Variants in MMP3 observed in about 807,000 individuals in gnomAD.
MMP3 encodes the protein stromelysin-1.
In MMP3, 46 loss-of-function variants were observed where a neutral mutation model predicts 47.3. The ratio of observed to expected loss-of-function variants is 0.97; its 90% CI spans 0.77 to 1.24. The LOEUF is 1.24. Ranked by LOEUF, MMP3 falls within the 50% of genes most tolerant of loss-of-function variation. The probability of loss-of-function intolerance (pLI) is 0.00; values close to 1 mark genes in which losing one functional copy is unlikely to be tolerated. For missense variants in MMP3, 558 were observed against 565.5 expected (o/e 0.99, Z 0.13); for synonymous variants, 216 against 206.5 (o/e 1.05, Z -0.39).
chr11:102,839,435 G>A (rs1047458983), intron 6 of MMP3, among the ~76,000 whole-genome samples, 192 bp from the exon 7 acceptor site: 9 of 152,054 alleles, frequency 5.9e-5, no homozygotes, highest in Admixed American at 1.3e-4. Context: ...TGAGTCTCCC[G>A]TCATAGGTTT....
At chr11:102,838,735 T>A in intron 7 of MMP3, 25 bp from the exon 8 acceptor site, 1 of 1,593,966 alleles carries the variant, frequency 6.3e-7, no homozygotes, top group African/African-American at 1.4e-5. Context: ...TAATTCAGAG[T>A]CATATTGAAT....
chr11:102,837,525 C>A lies in MMP3; in HGVS notation c.1230-124G>T. 1.5e-6 allele frequency: 1 copy of A among 689,282 alleles called. No individual in the cohort carries two copies. Among genetic ancestry groups the A allele is most frequent in the Non-Finnish European group, 2.5e-6 (1 of 402,224 alleles). The allele number at this position is 689,282 out of a possible 1,614,324, so 42.7% of individuals were successfully genotyped here. ...ATAAATACTGCAAATAAATGCCAAGCATATTTGGGACTATAGAAATATGTG... is the reference window on the plus strand; with the variant it reads ...ATAAATACTGCAAATAAATGCCAAGAATATTTGGGACTATAGAAATATGTG... On this transcript the variant is annotated intron_variant, in intron 8 of 9. Coordinates refer to ENST00000299855, the MANE Select transcript of MMP3 (RefSeq NM_002422.5). The surrounding 1 kb of genome is among the most constrained non-coding windows in gnomAD (Gnocchi z 4.4).
intron 4 of MMP3, 149 bp downstream of exon 4, chr11:102,842,005 A>G: frequency 4.3e-6 from 3 of 696,916 alleles, no homozygotes; most frequent in Non-Finnish European, 6.1e-6. Context: ...AATATTTTCA[A>G]TAATAATTAA....
chr11:102,843,514 G>A lies in MMP3; in HGVS notation c.33C>T (p.Cys11=), dbSNP rs113324830. 98 of 1,613,330 alleles carry A rather than the reference G, an allele frequency of 6.1e-5. No individual in the cohort carries two copies. The highest frequency in any genetic ancestry group is 5.5e-4 in the African/African-American group (41 of 74,856). The change falls in exon 1 of 10, where the codon TGC becomes TGT. Residue 11 remains cysteine, a synonymous_variant. Coordinates refer to ENST00000299855, the MANE Select transcript of MMP3 (RefSeq NM_002422.5). MKSLPILLLL[C]VAVCSAYPLD... ...ATGGATAGGCTGAGCAAACTGCCAC[G>A]CACAGCAACAGTAGGATTGGAAGAC... is the stretch of plus-strand genomic sequence containing the variant.
Position 102,842,697 on chromosome 11 carries a change from A to T in MMP3, c.325T>A (p.Trp109Arg), listed in dbSNP as rs61753776. Residue 109 changes from tryptophan to arginine, a missense_variant, in exon 2 of 10, where the codon TGG (tryptophan) becomes AGG (arginine). Trp to Arg is a moderately radical substitution (Grantham distance 101). Transcript: ENST00000299855. ...CTGTATGTAAGGTGGGTTTTCCTCC[A>T]CTTCGGGATGCCAGGAAAGGTTCTG... ...HFRTFPGIPK[W>R]RKTHLTYRIV... The T allele has an allele frequency of 2.5e-6, 4 of 1,613,748 alleles. No homozygotes were observed. Among genetic ancestry groups the T allele is most frequent in the Non-Finnish European group, 3.4e-6 (4 of 1,179,954 alleles).
Position 102,836,400 on chromosome 11 carries a change from A to G in MMP3, c.1334-174T>C. Reference sequence around the variant, plus strand: ...GAATTTATTTTCATTTATTTCTGCAACAACCCTATGAGGTTGTATGTCTAA... The same window carrying G: ...GAATTTATTTTCATTTATTTCTGCAGCAACCCTATGAGGTTGTATGTCTAA... On this transcript the variant is annotated intron_variant, in intron 9 of 9. Transcript: ENST00000299855. This position sits in a 1 kb window ranked among gnomAD's most constrained non-coding sequence, Gnocchi z 4.6. 3.0e-6 allele frequency: 2 copies of G among 668,236 alleles called. No individual in the cohort carries two copies. The highest frequency in any genetic ancestry group is 5.6e-6 in the Non-Finnish European group (2 of 357,300). The allele number at this position is 668,236 out of a possible 1,614,324, so 41.4% of individuals were successfully genotyped here. A position where few individuals can be genotyped will look rare whatever the true frequency, so the allele number is the denominator to read the frequency against.
rs1858958683 is a variant in MMP3 at position 102,839,684 on chromosome 11, G to A, written c.935+424C>T. On this transcript the variant is annotated intron_variant, in intron 6 of 9. Transcript: ENST00000299855. Reference sequence around the variant, plus strand: ...CTCTGGATGAGTACAGGGAGAACTGGGAACTAAAATTTTTAATTTGCTTCT... The same window carrying A: ...CTCTGGATGAGTACAGGGAGAACTGAGAACTAAAATTTTTAATTTGCTTCT... 2.6e-5 allele frequency among the ~76,000 whole-genome samples: 4 copies of A among 152,128 alleles called. No homozygotes were observed. The South Asian group carries it at 6.2e-4, about 24-fold the overall frequency.
chr11:102,836,428 C>T lies in MMP3; in HGVS notation c.1334-202G>A, dbSNP rs922571608. The stretch of plus-strand genomic sequence containing the variant: ...ACCCTATGAGGTTGTATGTCTAACT[C>T]CATTTACAGATTGAGCAAGTTGAGG... On this transcript the variant is annotated intron_variant, in intron 9 of 9. Transcript: ENST00000299855. This position sits in a 1 kb window ranked among gnomAD's most constrained non-coding sequence, Gnocchi z 4.6. 1.2e-5 allele frequency: 8 copies of T among 642,646 alleles called. No homozygotes were observed. The highest frequency in any genetic ancestry group is 5.4e-5 in the African/African-American group (3 of 55,542). 39.8% of individuals were successfully genotyped at this position (642,646 alleles called of 1,614,324 possible).
In MMP3 at chr11:102,842,467, C is replaced by T; in HGVS notation, c.463G>A (p.Gly155Arg). 6.6e-7 allele frequency: 1 copy of T among 1,517,690 alleles called. No homozygotes were observed. Among genetic ancestry groups the T allele is most frequent in the Non-Finnish European group, 8.9e-7 (1 of 1,124,492 alleles). The allele number at this position is 1,517,690 out of a possible 1,614,324, so 94.0% of individuals were successfully genotyped here. Residue 155 changes from glycine to arginine, a missense_variant, in exon 3 of 10, where the codon GGA becomes AGA. Physicochemically the swap from Gly to Arg is moderately radical, Grantham distance 125 (BLOSUM62 -2). Coordinates refer to ENST00000299855, the MANE Select transcript of MMP3 (RefSeq NM_002422.5). Reference protein sequence around the residue: ...TPLTFSRLYEGEADIMISFAV... With the variant: ...TPLTFSRLYEREADIMISFAV... ...AAAGAGATCATTATATCAGCCTCTC[C>T]TTCATACAGCCTGGAGAATGTGAGT...
rs1160766061 is a variant in MMP3, at chr11:102,836,363, A to G, written c.1334-137T>C. On this transcript the variant is annotated intron_variant, in intron 9 of 9. Coordinates refer to ENST00000299855, the MANE Select transcript of MMP3 (RefSeq NM_002422.5). This position sits in a 1 kb window ranked among gnomAD's most constrained non-coding sequence, Gnocchi z 4.6. ...TTACTTTATGTCAGGGACTATGCCAAGCTTGTTACATGAATTTATTTTCAT... is the reference window on the plus strand; with the variant it reads ...TTACTTTATGTCAGGGACTATGCCAGGCTTGTTACATGAATTTATTTTCAT... 5 of 710,280 alleles carry G rather than the reference A, an allele frequency of 7.0e-6. No homozygotes were observed. The Admixed American group carries it at 1.1e-4, about 15-fold the overall frequency. 44.0% of individuals were successfully genotyped at this position (710,280 alleles called of 1,614,324 possible).
chr11:102,839,064 G>C (rs959222064), intron 7 of MMP3, 46 bp downstream of exon 7: 9 of 1,587,338 alleles, frequency 5.7e-6, no homozygotes, highest in Non-Finnish European at 6.9e-6. Context: ...TTTCTTATGA[G>C]AGGGTTTACT....
chr11:102,836,162 T>C lies in MMP3; in HGVS notation c.1398A>G (p.Thr466=). The C allele has an allele frequency of 6.2e-7, 1 of 1,613,996 alleles. No individual in the cohort carries two copies. The highest frequency in any genetic ancestry group is 8.5e-7 in the Non-Finnish European group (1 of 1,179,848). ...GCCAGCTGTTACTCTTCAAAGTGTG[T>C]GTCACTTTCTTTGCATTTGGGTCAA... ...LEFDPNAKKV[T]HTLKSNSWLN... The change falls in exon 10 of 10, where the codon ACA becomes ACG. Residue 466 remains threonine, a synonymous_variant. Coordinates refer to ENST00000299855, the MANE Select transcript of MMP3 (RefSeq NM_002422.5). The surrounding 1 kb of genome is among the most constrained non-coding windows in gnomAD (Gnocchi z 4.6).
chr11:102,839,705 C>G (rs1858958955), intron 6 of MMP3, among the ~76,000 whole-genome samples: 1 of 152,184 alleles, frequency 6.6e-6, no homozygotes, highest in South Asian at 2.1e-4. Flanking sequence ...TTTTAATTTG[C>G]TTCTCATTTG....
At chr11:102,839,039 TA>T (rs2134398700) in intron 7 of MMP3, 70 bp downstream of exon 7, 1 of 1,542,686 alleles carries the variant, frequency 6.5e-7, no homozygotes, top group African/African-American at 1.4e-5. Flanking sequence ...TAGGGAAAAT[TA>T]AAGTGTTGTT....
Position 102,836,043 on chromosome 11 carries a change from G to C in MMP3, c.*83C>G. ...AGTCACAGCACAGGCAGGAGAAAAC[G>C]AACATTTCAATTCACAGAGACTTAG... On this transcript the variant is annotated 3_prime_UTR_variant, in exon 10 of 10. Coordinates refer to ENST00000299855, the MANE Select transcript of MMP3 (RefSeq NM_002422.5). This position sits in a 1 kb window ranked among gnomAD's most constrained non-coding sequence, Gnocchi z 4.6. 1 of 1,067,762 alleles carries C rather than the reference G, an allele frequency of 9.4e-7. No homozygotes were observed. The highest frequency in any genetic ancestry group is 1.4e-5 in the South Asian group (1 of 72,254). 66.1% of individuals were successfully genotyped at this position (1,067,762 alleles called of 1,614,324 possible). A position where few individuals can be genotyped will look rare whatever the true frequency, so the allele number is the denominator to read the frequency against.
chr11:102,838,794 A>C, intron 7 of MMP3, 84 bp from the exon 8 acceptor site: 1 of 1,437,380 alleles, frequency 7.0e-7, no homozygotes, highest in South Asian at 1.3e-5. Flanking sequence ...AGCATCTTTG[A>C]TTTTCATGGT....
At position 102,837,906 on chromosome 11, in the gene MMP3, G is replaced by A. The variant is rs1297360060; in HGVS notation, c.1230-505C>T. ...CCCATTGGCTGGATATCAGATGGTC[G>A]GCCTCGATGTCTCAAAGTCTGGCCA... On this transcript the variant is annotated intron_variant, in intron 8 of 9. Transcript: ENST00000299855. This position sits in a 1 kb window ranked among gnomAD's most constrained non-coding sequence, Gnocchi z 4.4. Among the ~76,000 whole-genome samples the A allele has an allele frequency of 1.3e-5, 2 of 152,062 alleles. No individual in the cohort carries two copies. Among genetic ancestry groups the A allele is most frequent in the Non-Finnish European group, 2.9e-5 (2 of 68,018 alleles).
rs1170913395 is a variant in MMP3 at position 102,835,903 on chromosome 11, T to C, written c.*223A>G. 1 of 471,032 alleles carries C rather than the reference T, an allele frequency of 2.1e-6. No individual in the cohort carries two copies. The highest frequency in any genetic ancestry group is 1.9e-5 in the African/African-American group (1 of 51,942). 29.2% of individuals were successfully genotyped at this position (471,032 alleles called of 1,614,324 possible). A position where few individuals can be genotyped will look rare whatever the true frequency, so the allele number is the denominator to read the frequency against. On this transcript the variant is annotated 3_prime_UTR_variant, in exon 10 of 10. Transcript: ENST00000299855. ...GTGCTTCCCCTTCTCTTGGGAAAGA[T>C]CACTCTATGTGACAAGGTGCAAGCT...
Position 102,842,953 on chromosome 11 carries a change from A to G in MMP3, c.106-37T>C, listed in dbSNP as rs1555005851. On this transcript the variant is annotated intron_variant, in intron 1 of 9. Coordinates refer to ENST00000299855, the MANE Select transcript of MMP3 (RefSeq NM_002422.5). Reference sequence around the variant, plus strand: ...AGTATAGTTTTTAGGTCACTCTTACAATTTTTACTATAGCTATCTATTTAT... The same window carrying G: ...AGTATAGTTTTTAGGTCACTCTTACGATTTTTACTATAGCTATCTATTTAT... The G allele has an allele frequency of 2.7e-6, 4 of 1,494,800 alleles. No homozygotes were observed. In the Middle Eastern group the frequency reaches 5.3e-4, roughly 198 times the overall value. The allele number at this position is 1,494,800 out of a possible 1,614,324, so 92.6% of individuals were successfully genotyped here.
Sources: gnomAD v4.1 joint callset for allele counts (sites outside exome capture counted in the v4.1 genomes callset) on GRCh38, gnomAD v4.1.1 for gene constraint, Gnocchi (gnomAD v3.1) non-coding constraint, MANE v1.5 for transcripts, NCBI Gene and HGNC (gene_info 2026-07-23, HGNC 2026-07-21) for gene names.